Variants in SNX29 observed in about 807,000 individuals in gnomAD.
The protein encoded by SNX29 is sorting nexin 29.
SNX29 carries 78 observed loss-of-function variants against 102.1 expected under a neutral mutation model. That is an observed-to-expected ratio of 0.76 (90% CI 0.64 to 0.92). The LOEUF is 0.92. Ranked by LOEUF, SNX29 falls within the 40% of genes least tolerant of loss-of-function variation. The probability of loss-of-function intolerance (pLI) is 0.00; values close to 1 mark genes in which losing one functional copy is unlikely to be tolerated. For synonymous variants in SNX29, 580 were observed against 414.5 expected (o/e 1.40, Z -4.85); for missense variants, 1,280 against 1,061.7 (o/e 1.21, Z -2.86).
chr16:12,554,925 G>GGGCAGCAAGCAC (rs1421545666), intron 20 of SNX29, among the ~76,000 whole-genome samples: 1 of 151,792 alleles, frequency 6.6e-6, no homozygotes, highest in Non-Finnish European at 1.5e-5. Context: ...GGGCTGAGGA[G>GGGCAGCAAGCAC]GGCAGCAAGC....
At chr16:12,487,002 GA>G (rs1438653497) in intron 19 of SNX29, among the ~76,000 whole-genome samples, 2 of 152,160 alleles carry the variant, frequency 1.3e-5, no homozygotes, top group African/African-American at 4.8e-5. Flanking sequence ...AAAAGAAAAA[GA>G]TCCTTAAGGC....
intron 16 of SNX29, among the ~76,000 whole-genome samples, chr16:12,362,834 CT>C (rs1250883279): frequency 2.0e-5 from 3 of 152,140 alleles, no homozygotes; most frequent in Non-Finnish European, 1.5e-5. Context: ...TCAGTGTTAT[CT>C]TTCCCGCGTC....
chr16:12,274,855 A>G (rs2079197109), intron 14 of SNX29, among the ~76,000 whole-genome samples: 1 of 152,102 alleles, frequency 6.6e-6, no homozygotes, highest in Non-Finnish European at 1.5e-5. Context: ...ACTCTGTAAA[A>G]GGGCTTTTGT....
intron 14 of SNX29, among the ~76,000 whole-genome samples, chr16:12,219,311 T>C (rs1330847586): frequency 6.6e-6 from 1 of 152,180 alleles, no homozygotes; most frequent in African/African-American, 2.4e-5. Flanking sequence ...TCAGTCCTTT[T>C]TGACTGTGGC....
intron 15 of SNX29, among the ~76,000 whole-genome samples, chr16:12,346,190 G>T (rs915098038): frequency 2.0e-5 from 3 of 152,070 alleles, no homozygotes; most frequent in Non-Finnish European, 4.4e-5. Context: ...GGTGGGAGGG[G>T]GCTTCTGAAC....
At chr16:12,430,541 G>A (rs1418040191) in intron 18 of SNX29, among the ~76,000 whole-genome samples, 2 of 152,166 alleles carry the variant, frequency 1.3e-5, no homozygotes, top group Admixed American at 6.5e-5. Flanking sequence ...CCTAACCTCA[G>A]TTTATTCATT....
intron 14 of SNX29, among the ~76,000 whole-genome samples, chr16:12,254,534 G>A (rs1438533967): frequency 1.3e-5 from 2 of 152,022 alleles, no homozygotes; most frequent in South Asian, 2.1e-4. Context: ...CCAGCTACTC[G>A]GGAGGCTAAG....
intron 15 of SNX29, among the ~76,000 whole-genome samples, chr16:12,333,517 T>G (rs2081357173): frequency 6.6e-6 from 1 of 152,124 alleles, no homozygotes; most frequent in African/African-American, 2.4e-5. Context: ...ATCTGATCAA[T>G]GATCAGTATG....
chr16:12,360,422 G>C (rs1450747904), intron 16 of SNX29, among the ~76,000 whole-genome samples: 1 of 152,174 alleles, frequency 6.6e-6, no homozygotes, highest in Non-Finnish European at 1.5e-5. Flanking sequence ...GGTGATGTTT[G>C]TCATGTTCCT....
chr16:12,391,371 A>G (rs2083524029), intron 16 of SNX29, among the ~76,000 whole-genome samples: 1 of 152,234 alleles, frequency 6.6e-6, no homozygotes, highest in African/African-American at 2.4e-5. Flanking sequence ...TACATTTTTA[A>G]GCTGCATACT....
intron 18 of SNX29, among the ~76,000 whole-genome samples, chr16:12,415,993 T>C (rs2084620485): frequency 6.6e-6 from 1 of 152,108 alleles, no homozygotes; most frequent in Non-Finnish European, 1.5e-5. Context: ...GTCTTCTGAA[T>C]GTGGCCAGGG....
chr16:12,361,698 CT>C (rs1398216162), intron 16 of SNX29, among the ~76,000 whole-genome samples: 30 of 152,104 alleles, frequency 2.0e-4, no homozygotes, highest in Admixed American at 2.0e-3. Context: ...TTTTCTTAAA[CT>C]TTTTTTCATA....
intron 20 of SNX29, chr16:12,556,455 TA>T (rs2078356494): frequency 3.3e-5 from 5 of 152,246 alleles, no homozygotes; most frequent in Admixed American, 6.5e-5. Flanking sequence ...AAGGAACTCT[TA>T]GGCGAAGGCC....
chr16:12,327,875 C>G (rs1166789833), intron 15 of SNX29, among the ~76,000 whole-genome samples: 1 of 152,134 alleles, frequency 6.6e-6, no homozygotes, highest in Non-Finnish European at 1.5e-5. Context: ...CTACTGAGGG[C>G]CAGGTGGACA....
chr16:12,549,153 A>G (rs904667551), intron 20 of SNX29, among the ~76,000 whole-genome samples: 2 of 151,898 alleles, frequency 1.3e-5, no homozygotes, highest in East Asian at 1.9e-4. Flanking sequence ...TTTAGCAGTT[A>G]TCACATTTGC....
chr16:12,133,876 T>A (rs550484294), intron 13 of SNX29, among the ~76,000 whole-genome samples: 10 of 152,220 alleles, frequency 6.6e-5, no homozygotes, highest in Non-Finnish European at 1.3e-4. Context: ...TATGTGTGTT[T>A]CACTGGCTCT....
chr16:12,078,734 G>T, intron 10 of SNX29, 99 bp from the exon 11 acceptor site: 1 of 941,302 alleles, frequency 1.1e-6, no homozygotes, highest in Non-Finnish European at 1.7e-6. Context: ...CCTTCTAGTA[G>T]AGGTACCGGA....
chr16:12,362,853 G>T (rs1237057012), intron 16 of SNX29, among the ~76,000 whole-genome samples: 3 of 152,088 alleles, frequency 2.0e-5, no homozygotes, highest in African/African-American at 7.2e-5. Flanking sequence ...GTCCACAAGG[G>T]CAAGTTTTTG....
chr16:12,076,257 G>A (rs1490471328), intron 10 of SNX29, among the ~76,000 whole-genome samples: 1 of 151,806 alleles, frequency 6.6e-6, no homozygotes, highest in African/African-American at 2.4e-5. Context: ...CTCACGCTGG[G>A]AGCTGTAGAC....
Sources: allele counts gnomAD v4.1 joint callset (sites outside exome capture counted in the v4.1 genomes callset), GRCh38; gene constraint gnomAD v4.1.1; transcripts MANE v1.5; gene names NCBI Gene and HGNC (gene_info 2026-07-23, HGNC 2026-07-21).